Variants in ZFHX3 observed in about 807,000 individuals in gnomAD.
The protein encoded by ZFHX3 is zinc finger homeobox protein 3.
ZFHX3 carries 42 observed loss-of-function variants against 279.1 expected under a neutral mutation model. The ratio of observed to expected loss-of-function variants is 0.15; its 90% CI spans 0.12 to 0.19. The LOEUF (loss-of-function observed/expected upper bound fraction) is 0.19, where lower values mean the gene tolerates loss of function less well. ZFHX3 is among the 10% of genes least tolerant of loss of function. The pLI is 1.00. For synonymous variants in ZFHX3, 2,293 were observed against 1,957.8 expected, an observed-to-expected ratio of 1.17 and a Z score of -4.52; for missense variants, 4,981 against 4,754.0, an observed-to-expected ratio of 1.05 and a Z score of -1.40.
At chr16:73,231,473 T>C (rs1156574226) in intron 5 of ZFHX3, among the ~76,000 whole-genome samples, 1 of 152,220 alleles carries the variant, frequency 6.6e-6, no homozygotes, top group East Asian at 1.9e-4. Flanking sequence ...GCATAGCAGC[T>C]GAGAGGGAAC....
intron 1 of ZFHX3, among the ~76,000 whole-genome samples, chr16:73,801,750 G>A (rs1390562557): frequency 6.6e-6 from 1 of 152,138 alleles, no homozygotes; most frequent in East Asian, 1.9e-4. Context: ...GGGTCTACTT[G>A]ACCCTGTTTT....
At chr16:73,306,410 C>A (rs909902561) in intron 4 of ZFHX3, among the ~76,000 whole-genome samples, 2 of 152,126 alleles carry the variant, frequency 1.3e-5, no homozygotes, top group African/African-American at 4.8e-5. Context: ...ACATCCAGCT[C>A]CCAGGTTCAA....
chr16:73,236,589 C>T (rs559880233), intron 5 of ZFHX3, among the ~76,000 whole-genome samples: 92 of 152,140 alleles, frequency 6.0e-4, no homozygotes, highest in African/African-American at 1.8e-3. Context: ...CAGAGCAAGA[C>T]TCCACCTTAA....
chr16:73,718,723 C>T (rs1403534270), intron 1 of ZFHX3, among the ~76,000 whole-genome samples: 1 of 151,684 alleles, frequency 6.6e-6, no homozygotes. Context: ...TCAAGCGATT[C>T]TTCTGCCTTA....
rs560065582 is a variant in ZFHX3, at chr16:72,851,594, G to A, written c.3449-21735C>T. On this transcript the variant is annotated intron_variant, in intron 4 of 9. Coordinates refer to ENST00000268489, the MANE Select transcript of ZFHX3 (RefSeq NM_006885.4). ...TTTTAAGATGGAGTCTCACTCTGTC[G>A]CCCAGGCTGGACTGCAGTGGTGCAA... Among the ~76,000 whole-genome samples, 9 of 151,314 alleles carry A rather than the reference G, an allele frequency of 5.9e-5. No individual in the cohort carries two copies. In the South Asian group the frequency reaches 6.3e-4, roughly 11 times the overall value.
intron 1 of ZFHX3, among the ~76,000 whole-genome samples, chr16:73,019,343 C>CATGTGTGTGT (rs1555542114): frequency 4.3e-4 from 64 of 150,168 alleles, no homozygotes; most frequent in African/African-American, 1.3e-3. Context: ...TGTGTCTGTG[C>CATGTGTGTGT]GTGTGTGTGT....
chr16:73,363,719 C>A (rs2016474444), intron 3 of ZFHX3, among the ~76,000 whole-genome samples: 1 of 152,154 alleles, frequency 6.6e-6, no homozygotes, highest in South Asian at 2.1e-4. Flanking sequence ...ATCCACCCTT[C>A]AACAAATATT....
intron 3 of ZFHX3, among the ~76,000 whole-genome samples, chr16:73,404,230 T>C (rs1468238217): frequency 6.6e-6 from 1 of 152,124 alleles, no homozygotes; most frequent in Non-Finnish European, 1.5e-5. Context: ...TGGACAAGGC[T>C]GGACTGTAGC....
At chr16:73,576,753 A>C (rs367977617) in intron 2 of ZFHX3, among the ~76,000 whole-genome samples, 1 of 152,164 alleles carries the variant, frequency 6.6e-6, no homozygotes, top group African/African-American at 2.4e-5. Context: ...TTAGGGTTAC[A>C]TGTGCAGGTT....
In ZFHX3 at chr16:73,706,326, G is replaced by A. The variant is rs577530664; in HGVS notation, c.-1607-26086C>T. On this transcript the variant is annotated intron_variant, in intron 1 of 17. Coordinates refer to the ZFHX3 transcript ENST00000641206. ...AGATACAAAAAATTAGCTGGGTGTC[G>A]TGGCAGGCGCCTGTAATCCCAGCTA... Among the ~76,000 whole-genome samples, 4 of 151,908 alleles carry A rather than the reference G, an allele frequency of 2.6e-5. No homozygotes were observed. In the South Asian group the frequency reaches 8.3e-4, roughly 32 times the overall value.
intron 8 of ZFHX3, chr16:73,093,206 G>T (rs1966111313): frequency 1.9e-6 from 1 of 519,734 alleles, no homozygotes; most frequent in Non-Finnish European, 3.8e-6. Flanking sequence ...CCACGCGCAT[G>T]CAGAGGTAAG....
intron 5 of ZFHX3, chr16:73,144,401 G>C (rs1966855388): frequency 6.6e-6 from 1 of 152,226 alleles, no homozygotes; most frequent in African/African-American, 2.4e-5. Context: ...AAGGAAGAGA[G>C]AGTTAGAAAG....
chr16:73,188,239 G>A (rs1163856890), intron 5 of ZFHX3, among the ~76,000 whole-genome samples: 3 of 152,028 alleles, frequency 2.0e-5, no homozygotes, highest in Non-Finnish European at 4.4e-5. Flanking sequence ...CTGTCACCCA[G>A]GCTGGAGTGC....
intron 4 of ZFHX3, among the ~76,000 whole-genome samples, chr16:72,865,627 A>C (rs2052392816): frequency 1.4e-5 from 1 of 69,282 alleles, no homozygotes; most frequent in Non-Finnish European, 2.7e-5. Context: ...AGTTTTTGCT[A>C]CTGAGATGGA....
rs1186174343 is a variant in ZFHX3 at position 73,402,722 on chromosome 16, G to A, written c.-1291+53281C>T. ...GTTTTAATACCTTTTTTAAAGCAGG[G>A]ACAGGTCTGTATACAAAGCCTGCAA... On this transcript the variant is annotated intron_variant, in intron 3 of 17. Coordinates refer to the ZFHX3 transcript ENST00000641206. Among the ~76,000 whole-genome samples, 3 of 152,196 alleles carry A rather than the reference G, an allele frequency of 2.0e-5. No individual in the cohort carries two copies. The East Asian group carries it at 5.8e-4, about 29-fold the overall frequency.
At chr16:73,760,886 G>T (rs2053857231) in intron 1 of ZFHX3, among the ~76,000 whole-genome samples, 1 of 151,636 alleles carries the variant, frequency 6.6e-6, no homozygotes, top group South Asian at 2.1e-4. Context: ...ATGGGCAAAA[G>T]CTGGAAGCAT....
At chr16:73,535,809 A>G (rs1352660200) in intron 2 of ZFHX3, among the ~76,000 whole-genome samples, 1 of 131,472 alleles carries the variant, frequency 7.6e-6, no homozygotes, top group Non-Finnish European at 1.6e-5. Context: ...TGCAACCTCC[A>G]CCTCCTGGGC....
intron 5 of ZFHX3, among the ~76,000 whole-genome samples, chr16:73,171,199 G>C (rs1967514934): frequency 6.6e-6 from 1 of 152,070 alleles, no homozygotes; most frequent in Non-Finnish European, 1.5e-5. Flanking sequence ...AGGGATTCTA[G>C]ATAGAGTAGC....
chr16:73,356,322 C>T (rs776451990), intron 3 of ZFHX3, among the ~76,000 whole-genome samples: 7 of 150,582 alleles, frequency 4.6e-5, no homozygotes, highest in Non-Finnish European at 8.9e-5. Context: ...TTTGTTCTTC[C>T]TGCAGTCTCA....
Sources: allele counts gnomAD v4.1 joint callset (sites outside exome capture counted in the v4.1 genomes callset), GRCh38; gene constraint gnomAD v4.1.1; transcripts MANE v1.5; gene names NCBI Gene and HGNC (gene_info 2026-07-23, HGNC 2026-07-21).